Variants in GLYATL1 observed in about 807,000 individuals in gnomAD.
GLYATL1 encodes glycine-N-acyltransferase like 1.
GLYATL1 carries 15 observed loss-of-function variants against 20.0 expected under a neutral mutation model. The observed-to-expected ratio is 0.75, with a 90% confidence interval of 0.50 to 1.15. GLYATL1 has a LOEUF of 1.15. GLYATL1 is among the 50% of genes most tolerant of loss of function. The pLI is 0.00. For synonymous variants in GLYATL1, 151 were observed against 131.5 expected, an observed-to-expected ratio of 1.15 and a Z score of -1.01; for missense variants, 380 against 368.5, an observed-to-expected ratio of 1.03 and a Z score of -0.26.
At chr11:58,944,514 A>G (rs992133376) in intron 2 of GLYATL1, among the ~76,000 whole-genome samples, 3 of 152,158 alleles carry the variant, frequency 2.0e-5, no homozygotes, top group Admixed American at 6.6e-5. Context: ...GTTTTTTTCA[A>G]TCTTGCATAA....
In GLYATL1 at chr11:58,943,529, T is replaced by C. The variant is rs759442609; in HGVS notation, c.-166-14T>C. ...CCTTTAAGTTTAATTCAGCTGAAGT[T>C]TTTCTTTTATCAGATGGTGTCACAA... On this transcript the variant is annotated splice_polypyrimidine_tract_variant and intron_variant, in intron 1 of 6. Transcript: ENST00000532726. 8.1e-6 allele frequency: 13 copies of C among 1,600,204 alleles called. No individual in the cohort carries two copies. The highest frequency in any genetic ancestry group is 3.4e-6 in the Non-Finnish European group (4 of 1,173,292).
chr11:58,956,054 C>T lies in GLYATL1; in HGVS notation c.*27C>T. On this transcript the variant is annotated 3_prime_UTR_variant, in exon 7 of 7. Transcript: ENST00000532726. ...CAATGAAGCTGCTTAGTAATCTCTG[C>T]CAAGCCATCTCTTAATATTAAAGCA... The T allele has an allele frequency of 1.3e-6, 2 of 1,582,150 alleles. No homozygotes were observed. The highest frequency in any genetic ancestry group is 2.3e-5 in the South Asian group (2 of 88,730).
chr11:58,949,273 A>G lies in GLYATL1; in HGVS notation c.186+1308A>G, dbSNP rs551066028. 9.9e-5 allele frequency among the ~76,000 whole-genome samples: 15 copies of G among 152,268 alleles called. No homozygotes were observed. In the South Asian group the frequency reaches 2.9e-3, roughly 29 times the overall value. On this transcript the variant is annotated intron_variant, in intron 4 of 6. Transcript: ENST00000532726. Reference sequence around the variant, plus strand: ...TAATAATAAGCCACACCAGGTCAAGACTAGTTTGCAAACTGGGTCAGGATT... The same window carrying G: ...TAATAATAAGCCACACCAGGTCAAGGCTAGTTTGCAAACTGGGTCAGGATT...
chr11:58,927,289 T>G (rs540617584), upstream of GLYATL1, among the ~76,000 whole-genome samples: 33 of 152,376 alleles, frequency 2.2e-4, no homozygotes, highest in African/African-American at 7.5e-4. Flanking sequence ...AAGAGGTTTT[T>G]CAAATTCTTA....
chr11:58,906,112 T>C (rs1291638266), intron 1 of GLYATL1, among the ~76,000 whole-genome samples: 5 of 152,094 alleles, frequency 3.3e-5, no homozygotes, highest in African/African-American at 1.2e-4. Flanking sequence ...GCCGGTTCTT[T>C]GAGTGGTTTT....
At chr11:58,920,466 A>G (rs1245141772) in intron 1 of GLYATL1, among the ~76,000 whole-genome samples, 1 of 152,162 alleles carries the variant, frequency 6.6e-6, no homozygotes, top group East Asian at 1.9e-4. Context: ...CTGAGTCCAA[A>G]GTCACCACTG....
intron 4 of GLYATL1, among the ~76,000 whole-genome samples, chr11:58,951,266 A>G (rs1359449793): frequency 6.6e-6 from 1 of 152,072 alleles, no homozygotes; most frequent in Non-Finnish European, 1.5e-5. Context: ...AATCTTCCTT[A>G]TGGCTGGCTA....
chr11:58,910,303 C>A (rs1270153536), downstream of GLYATL1, among the ~76,000 whole-genome samples: 2 of 152,020 alleles, frequency 1.3e-5, no homozygotes, highest in Non-Finnish European at 1.5e-5. Context: ...CTTTGTATTG[C>A]TTAGGAGGAG....
In GLYATL1 at chr11:58,943,515, A is replaced by T. The variant is rs1005521062; in HGVS notation, c.-166-28A>T. The T allele has an allele frequency of 1.9e-6, 3 of 1,580,564 alleles. No homozygotes were observed. The Admixed American group carries it at 5.5e-5, about 29-fold the overall frequency. ...TGCTTAATGAAACTCCTTTAAGTTT[A>T]ATTCAGCTGAAGTTTTTCTTTTATC... is the stretch of plus-strand genomic sequence containing the variant. On this transcript the variant is annotated intron_variant, in intron 1 of 6. Transcript: ENST00000532726.
chr11:58,941,507 G>A (rs1463648816), intron 1 of GLYATL1, among the ~76,000 whole-genome samples: 2 of 152,212 alleles, frequency 1.3e-5, no homozygotes, highest in East Asian at 1.9e-4. Flanking sequence ...AAACATACGT[G>A]TGCATGTGTC....
chr11:58,944,765 A>G (rs1245873694), intron 2 of GLYATL1, among the ~76,000 whole-genome samples: 1 of 152,106 alleles, frequency 6.6e-6, no homozygotes, highest in Non-Finnish European at 1.5e-5. Flanking sequence ...ACTCATATTT[A>G]CAGACTGTCA....
At chr11:58,946,712 T>G in intron 2 of GLYATL1, 1 of 324,856 alleles carries the variant, frequency 3.1e-6, no homozygotes, top group Non-Finnish European at 5.8e-6. Context: ...ATGACCAAAA[T>G]ACAGGAAAAA....
At chr11:58,908,996 C>T (rs974203644), downstream of GLYATL1, among the ~76,000 whole-genome samples, 1 of 152,126 alleles carries the variant, frequency 6.6e-6, no homozygotes, top group African/African-American at 2.4e-5. Flanking sequence ...AACTTCAGAG[C>T]AAGGATCTGA....
At chr11:58,947,622 TA>T in intron 3 of GLYATL1, 1 of 542,130 alleles carries the variant, frequency 1.8e-6, no homozygotes, top group Non-Finnish European at 3.3e-6. Context: ...AGTGCCCAGC[TA>T]GTACACAGTA....
At chr11:58,922,052 G>A (rs146601807) in intron 1 of GLYATL1, among the ~76,000 whole-genome samples, 2 of 152,164 alleles carry the variant, frequency 1.3e-5, no homozygotes, top group African/African-American at 4.8e-5. Context: ...ACCCTTGCAG[G>A]ATTGTCTCTT....
intron 1 of GLYATL1, among the ~76,000 whole-genome samples, chr11:58,918,285 T>C (rs1315275813): frequency 6.6e-6 from 1 of 152,260 alleles, no homozygotes. Flanking sequence ...TAAGAGGGAA[T>C]CTGCAGACCA....
chr11:58,947,105 C>T lies in GLYATL1; in HGVS notation c.18C>T (p.Asn6=). Residue 6 remains asparagine (N), a synonymous_variant, in exon 3 of 7, where the codon AAC becomes AAT. Coordinates refer to ENST00000532726, the MANE Select transcript of GLYATL1 (RefSeq NM_001389712.2). MILLN[N]SHKLLALYKS... is the part of the protein sequence containing the mutation. ...CCCACAGAATGATCCTACTGAATAA[C>T]TCCCATAAGCTGCTGGCCCTATACA... 1 of 1,614,060 alleles carries T rather than the reference C, an allele frequency of 6.2e-7. No homozygotes were observed. The highest frequency in any genetic ancestry group is 8.5e-7 in the Non-Finnish European group (1 of 1,179,884).
Position 58,955,174 on chromosome 11 carries a change from AG to A in GLYATL1, c.314del. ...AGATTGCTTTCTTGGCTTTCTTCCC[AG>A]GTCTTCAAGAAAGTTTAGGTGAGGG... On this transcript the variant is annotated splice_acceptor_variant, in intron 5 of 6. Transcript: ENST00000532726. LOFTEE classifies it high-confidence loss of function. 2 of 1,612,106 alleles carry A rather than the reference AG, an allele frequency of 1.2e-6. No homozygotes were observed. Among genetic ancestry groups the A allele is most frequent in the Non-Finnish European group, 1.7e-6 (2 of 1,179,148 alleles).
chr11:58,955,855 G>T lies in GLYATL1; in HGVS notation c.737G>T (p.Arg246Leu). The change falls in exon 7 of 7, where the codon CGA (arginine) becomes CTA (leucine). Residue 246 changes from arginine to leucine, a missense_variant. Physicochemically the swap from Arg to Leu is moderately radical, Grantham distance 102. Coordinates refer to ENST00000532726, the MANE Select transcript of GLYATL1 (RefSeq NM_001389712.2). ...EKYRRTGNMA[R>L]VMVRYMKYLR... ...TACCGAAGGACAGGCAACATGGCACGAGTGATGGTGCGATACATGAAATAT... is the reference window on the plus strand; with the variant it reads ...TACCGAAGGACAGGCAACATGGCACTAGTGATGGTGCGATACATGAAATAT... 1 of 1,614,218 alleles carries T rather than the reference G, an allele frequency of 6.2e-7. No homozygotes were observed. The highest frequency in any genetic ancestry group is 8.5e-7 in the Non-Finnish European group (1 of 1,180,050).
Sources: allele counts gnomAD v4.1 joint callset (sites outside exome capture counted in the v4.1 genomes callset), GRCh38; gene constraint gnomAD v4.1.1; transcripts MANE v1.5; gene names NCBI Gene and HGNC (gene_info 2026-07-23, HGNC 2026-07-21).